Variants in CTNNA2 observed in about 807,000 individuals in gnomAD.
CTNNA2 encodes the protein catenin alpha 2.
In CTNNA2, 42 loss-of-function variants were observed where a neutral mutation model predicts 101.0. The observed-to-expected ratio is 0.42, with a 90% confidence interval of 0.32 to 0.54. The LOEUF is 0.54. CTNNA2 is among the 20% of genes least tolerant of loss of function. The probability of loss-of-function intolerance (pLI) is 0.14; values close to 1 mark genes in which losing one functional copy is unlikely to be tolerated. For missense variants in CTNNA2, 871 were observed against 1,223.1 expected (o/e 0.71, Z 4.29); for synonymous variants, 450 against 456.4 (o/e 0.99, Z 0.18).
chr2:80,057,970 C>T (rs1031686636), intron 7 of CTNNA2, among the ~76,000 whole-genome samples: 2 of 152,044 alleles, frequency 1.3e-5, no homozygotes, highest in Non-Finnish European at 2.9e-5. Context: ...AAAAAACAAC[C>T]TAGCTAGGAA....
chr2:79,947,513 C>T (rs1202746354), intron 7 of CTNNA2, among the ~76,000 whole-genome samples: 1 of 152,074 alleles, frequency 6.6e-6, no homozygotes, highest in Non-Finnish European at 1.5e-5. Flanking sequence ...GTAGTAGACA[C>T]AGAAACAAAA....
intron 2 of CTNNA2, among the ~76,000 whole-genome samples, chr2:79,295,639 T>G (rs965625572): frequency 1.3e-5 from 2 of 152,070 alleles, no homozygotes; most frequent in Non-Finnish European, 2.9e-5. Flanking sequence ...AAATCTCTTT[T>G]CCTGGCAGAT....
intron 8 of CTNNA2, among the ~76,000 whole-genome samples, chr2:80,416,392 A>T (rs1381255306): frequency 1.3e-5 from 2 of 152,118 alleles, no homozygotes; most frequent in Non-Finnish European, 2.9e-5. Context: ...ATCAAATCCG[A>T]TGTGTTTCTA....
intron 7 of CTNNA2, among the ~76,000 whole-genome samples, chr2:79,952,405 T>C (rs1393402231): frequency 4.6e-5 from 7 of 152,094 alleles, no homozygotes; most frequent in Non-Finnish European, 1.0e-4. Context: ...GCTGAAATAA[T>C]TGTGCTCAAA....
chr2:79,485,758 A>G (rs569291683), intron 4 of CTNNA2, among the ~76,000 whole-genome samples: 1 of 152,214 alleles, frequency 6.6e-6, no homozygotes, highest in Non-Finnish European at 1.5e-5. Context: ...TGCTCAGTAC[A>G]GGCAACATCT....
chr2:80,300,286 GTGTGT>G (rs1285370571), intron 7 of CTNNA2, among the ~76,000 whole-genome samples: 6 of 15,422 alleles, frequency 3.9e-4, no homozygotes, highest in Admixed American at 2.0e-3. Flanking sequence ...GTTGGGGTGT[GTGTGT>G]GTGTGTGTGT....
At chr2:80,031,734 G>T (rs1695303324) in intron 7 of CTNNA2, among the ~76,000 whole-genome samples, 1 of 152,130 alleles carries the variant, frequency 6.6e-6, no homozygotes, top group Admixed American at 6.5e-5. Flanking sequence ...ACATATACAT[G>T]AATTCCTATA....
At chr2:79,281,159 C>G (rs1431674645) in intron 2 of CTNNA2, among the ~76,000 whole-genome samples, 1 of 152,074 alleles carries the variant, frequency 6.6e-6, no homozygotes, top group Non-Finnish European at 1.5e-5. Flanking sequence ...CTTACATGAT[C>G]ATAGGCAGTC....
intron 1 of CTNNA2, among the ~76,000 whole-genome samples, chr2:79,554,206 C>A (rs975464094): frequency 1.3e-5 from 2 of 151,824 alleles, no homozygotes; most frequent in Non-Finnish European, 2.9e-5. Context: ...GCACATGAAA[C>A]CTTTTTTTTT....
intron 2 of CTNNA2, among the ~76,000 whole-genome samples, chr2:79,235,849 G>A (rs1042600566): frequency 3.3e-5 from 5 of 152,190 alleles, no homozygotes; most frequent in Non-Finnish European, 7.3e-5. Flanking sequence ...TCTAGCAGGT[G>A]TGACCCACCT....
intron 7 of CTNNA2, among the ~76,000 whole-genome samples, chr2:80,222,765 G>A (rs1708640604): frequency 6.6e-6 from 1 of 152,144 alleles, no homozygotes; most frequent in Non-Finnish European, 1.5e-5. Flanking sequence ...TTTATGCCTG[G>A]ATCTCTTTAG....
At chr2:80,404,430 A>AG (rs1178997666) in intron 8 of CTNNA2, among the ~76,000 whole-genome samples, 3 of 152,136 alleles carry the variant, frequency 2.0e-5, no homozygotes, top group Non-Finnish European at 4.4e-5. Flanking sequence ...TCCCCCAGTG[A>AG]GGGGGGAAAT....
intron 7 of CTNNA2, among the ~76,000 whole-genome samples, chr2:80,360,420 T>C (rs974146490): frequency 6.6e-6 from 1 of 152,166 alleles, no homozygotes; most frequent in African/African-American, 2.4e-5. Context: ...AAGGGTTTTT[T>C]ACACATCCGA....
chr2:79,737,462 A>G (rs1670981397), intron 2 of CTNNA2, among the ~76,000 whole-genome samples: 1 of 152,122 alleles, frequency 6.6e-6, no homozygotes, highest in Admixed American at 6.5e-5. Flanking sequence ...TCTTAATTGT[A>G]TGCAACGAAT....
Position 80,098,756 on chromosome 2 carries a change from T to G in CTNNA2, c.1056+188959T>G, listed in dbSNP as rs2148835887. ...GCTGCCTTGCAGTTTGATCTCAGAC[T>G]GCTGTGCTAGCAATGAGGGAGGCTT... On this transcript the variant is annotated intron_variant, in intron 7 of 18. Transcript: ENST00000402739. 1.3e-5 allele frequency among the ~76,000 whole-genome samples: 2 copies of G among 152,318 alleles called. 1 individual carries two copies. Among genetic ancestry groups the G allele is most frequent in the South Asian group, 4.1e-4 (2 of 4,832 alleles).
intron 1 of CTNNA2, among the ~76,000 whole-genome samples, chr2:79,533,211 T>C (rs1394725306): frequency 2.0e-5 from 3 of 152,096 alleles, no homozygotes; most frequent in Non-Finnish European, 4.4e-5. Context: ...CTTAGAGTTA[T>C]TGTTGTATTT....
chr2:79,519,222 C>A (rs1321313579), intron 1 of CTNNA2, among the ~76,000 whole-genome samples: 1 of 145,886 alleles, frequency 6.9e-6, no homozygotes, highest in Non-Finnish European at 1.5e-5. Context: ...GAACAAGACT[C>A]CGTCTCAAAA....
intron 4 of CTNNA2, among the ~76,000 whole-genome samples, chr2:79,433,035 T>C (rs2104511582): frequency 6.6e-6 from 1 of 152,260 alleles, no homozygotes; most frequent in African/African-American, 2.4e-5. Context: ...AGCTGCAGCT[T>C]ACACAGAAGC....
chr2:80,503,148 A>T (rs1688006449), intron 9 of CTNNA2, among the ~76,000 whole-genome samples: 1 of 152,160 alleles, frequency 6.6e-6, no homozygotes, highest in South Asian at 2.1e-4. Context: ...ACTCCAACCT[A>T]TATGACAAAG....
Sources: gnomAD v4.1 joint callset for allele counts (sites outside exome capture counted in the v4.1 genomes callset) on GRCh38, gnomAD v4.1.1 for gene constraint, MANE v1.5 for transcripts, NCBI Gene and HGNC (gene_info 2026-07-23, HGNC 2026-07-21) for gene names.